The following SIRPG variants were observed in gnomAD, a reference collection of about 807,000 sequenced individuals.
SIRPG encodes signal-regulatory protein gamma.
In SIRPG, 38 loss-of-function variants were observed where a neutral mutation model predicts 35.7. The ratio of observed to expected loss-of-function variants is 1.06; its 90% confidence interval spans 0.82 to 1.40. SIRPG has a LOEUF of 1.40. SIRPG is among the 40% of genes most tolerant of loss of function. The probability of loss-of-function intolerance (pLI) is 0.00; values close to 1 mark genes in which losing one functional copy is unlikely to be tolerated. For missense variants in SIRPG, 519 were observed against 483.0 expected, an observed-to-expected ratio of 1.07 and a Z score of -0.70; for synonymous variants, 215 against 190.4, an observed-to-expected ratio of 1.13 and a Z score of -1.06.
chr20:1,670,949 C>T, the SIRPG span: 20 of 347,702 alleles, frequency 5.8e-5, no homozygotes, highest in East Asian at 1.9e-4. Flanking sequence ...TGGGCCACCT[C>T]GCAGATGACC....
At chr20:1,640,326 C>A (rs1438632692) in intron 2 of SIRPG, among the ~76,000 whole-genome samples, 1 of 152,084 alleles carries the variant, frequency 6.6e-6, no homozygotes, top group Non-Finnish European at 1.5e-5. Context: ...TCCTTCAAAT[C>A]CCTTGTAAGT....
At chr20:1,631,449 C>T (rs547425244) in intron 4 of SIRPG, among the ~76,000 whole-genome samples, 9 of 152,276 alleles carry the variant, frequency 5.9e-5, no homozygotes, top group Non-Finnish European at 7.4e-5. Flanking sequence ...TGGGATCCTC[C>T]GCAGGAGCAG....
intron 4 of SIRPG, among the ~76,000 whole-genome samples, chr20:1,634,355 C>T (rs895387122): frequency 1.5e-4 from 23 of 151,880 alleles, no homozygotes; most frequent in Non-Finnish European, 2.5e-4. Flanking sequence ...TACAGGCGCC[C>T]GCCACCACGC....
rs951073014 is a variant in SIRPG at position 1,636,207 on chromosome 20, G to T, written c.729C>A (p.Asn243Lys). ...LQGDPLRGTA[N>K]LSEAIRVPPT... ...CTCTACCTCGGATGGCCTCAGACAA[G>T]TTGGCAGTCCCACGAAGAGGGTCCC... The change falls in exon 3 of 6, where the codon AAC becomes AAA. Residue 243 changes from asparagine (N) to lysine (K), a missense_variant. Physicochemically the swap from Asn to Lys is moderately conservative, Grantham distance 94 (BLOSUM62 0). Transcript: ENST00000303415. 16 of 1,614,160 alleles carry T rather than the reference G, an allele frequency of 9.9e-6. No homozygotes were observed. Among genetic ancestry groups the T allele is most frequent in the African/African-American group, 1.3e-5 (1 of 75,050 alleles).
intron 1 of SIRPG, among the ~76,000 whole-genome samples, chr20:1,656,222 G>A (rs1360075393): frequency 6.6e-6 from 1 of 152,118 alleles, no homozygotes; most frequent in African/African-American, 2.4e-5. Context: ...GGTTAAAAGG[G>A]TGATAAACTC....
chr20:1,660,296 G>T (rs558315310), upstream of SIRPG, among the ~76,000 whole-genome samples: 22 of 152,166 alleles, frequency 1.4e-4, no homozygotes, highest in African/African-American at 5.1e-4. Context: ...AGTAAGCTGG[G>T]TGATTATGTA....
intron 2 of SIRPG, among the ~76,000 whole-genome samples, chr20:1,643,438 T>C (rs2091871627): frequency 6.6e-6 from 1 of 152,214 alleles, no homozygotes; most frequent in South Asian, 2.1e-4. Context: ...TATGTTCCTC[T>C]ATAAACTGGT....
chr20:1,643,445 T>A (rs1391942360), intron 2 of SIRPG, among the ~76,000 whole-genome samples: 1 of 152,174 alleles, frequency 6.6e-6, no homozygotes, highest in Non-Finnish European at 1.5e-5. Context: ...CTCTATAAAC[T>A]GGTTTTTCTG....
chr20:1,676,750 C>A, the SIRPG span: 1 of 204,094 alleles, frequency 4.9e-6, no homozygotes, highest in Non-Finnish European at 1.0e-5. Flanking sequence ...TAATTCGTGG[C>A]CTGGTCCAGC....
In SIRPG at chr20:1,636,513, A is replaced by C; in HGVS notation, c.431-8T>G. 1 of 1,613,870 alleles carries C rather than the reference A, an allele frequency of 6.2e-7. No individual in the cohort carries two copies. The highest frequency in any genetic ancestry group is 8.5e-7 in the Non-Finnish European group (1 of 1,179,744). ...CGGGGGCAGAGGGTTTGGCTACAAA[A>C]GGGGCATCGATAAACAGGAGACATG... On this transcript the variant is annotated splice_region_variant and splice_polypyrimidine_tract_variant and intron_variant, in intron 2 of 5. Transcript: ENST00000303415.
In SIRPG at chr20:1,635,743, C is replaced by T. The variant is rs112317062; in HGVS notation, c.749-144G>A. 10 of 867,268 alleles carry T rather than the reference C, an allele frequency of 1.2e-5. No homozygotes were observed. The African/African-American group carries it at 1.4e-4, about 12-fold the overall frequency. The allele number at this position is 867,268 out of a possible 1,614,324, so 53.7% of individuals were successfully genotyped here. A position where few individuals can be genotyped will look rare whatever the true frequency, so the allele number is the denominator to read the frequency against. ...AGCAGATGCTAAGACATTGAGGGCG[C>T]TCTTTGCATATGAATGAAATTACCA... On this transcript the variant is annotated intron_variant, in intron 3 of 5. Transcript: ENST00000303415.
At chr20:1,683,877 G>A in the SIRPG span, among the ~76,000 whole-genome samples, 4,060 of 152,114 alleles carry the variant, frequency 0.027, 73 homozygotes, top group Non-Finnish European at 0.04. Context: ...GCTGAAGCAG[G>A]AGAATCACTT....
At chr20:1,661,031 T>A (rs147365940), upstream of SIRPG, among the ~76,000 whole-genome samples, 2 of 152,320 alleles carry the variant, frequency 1.3e-5, no homozygotes, top group African/African-American at 4.8e-5. Flanking sequence ...AACTAATATA[T>A]GCAAATTACT....
Position 1,649,415 on chromosome 20 carries a change from A to G in SIRPG, c.74-7T>C. On this transcript the variant is annotated splice_region_variant and splice_polypyrimidine_tract_variant and intron_variant, in intron 1 of 5. Transcript: ENST00000303415. The stretch of plus-strand genomic sequence containing the variant: ...TCCTCCTCACCTGCCACTTCTGAAA[A>G]GGAGCACAAAGCAATCATTTTTTCA... 6.3e-7 allele frequency: 1 copy of G among 1,593,218 alleles called. No individual in the cohort carries two copies. Among genetic ancestry groups the G allele is most frequent in the Non-Finnish European group, 8.6e-7 (1 of 1,168,328 alleles).
the SIRPG span, among the ~76,000 whole-genome samples, chr20:1,683,100 C>CT: frequency 6.6e-6 from 1 of 152,162 alleles, no homozygotes; most frequent in East Asian, 1.9e-4. Context: ...CCTGAATAGA[C>CT]ATTTCTCAAA....
At chr20:1,641,789 G>T (rs1423274036) in intron 2 of SIRPG, among the ~76,000 whole-genome samples, 3 of 152,116 alleles carry the variant, frequency 2.0e-5, no homozygotes, top group Admixed American at 6.5e-5. Flanking sequence ...CTGGTATGTT[G>T]TCTCTTTGTT....
intron 2 of SIRPG, among the ~76,000 whole-genome samples, chr20:1,641,238 C>T (rs2091849727): frequency 6.6e-6 from 1 of 152,142 alleles, no homozygotes; most frequent in Non-Finnish European, 1.5e-5. Flanking sequence ...CCATCTGGTC[C>T]TGGGCTTTTT....
At position 1,636,391 on chromosome 20, in the gene SIRPG, C is replaced by G. The variant is rs2091802407; in HGVS notation, c.545G>C (p.Trp182Ser). 1 of 1,614,204 alleles carries G rather than the reference C, an allele frequency of 6.2e-7. No homozygotes were observed. ...GFSPRDITLKWFKNGNELSDF... is the reference protein window; with the variant it reads ...GFSPRDITLKSFKNGNELSDF... The stretch of plus-strand genomic sequence containing the variant: ...TGAGAGCTCATTCCCATTTTTGAAC[C>G]ATTTCAGGGTGATGTCTCTGGGAGA... The change falls in exon 3 of 6, where the codon TGG (tryptophan) becomes TCG (serine). Residue 182 changes from tryptophan (W) to serine (S), a missense_variant. Trp to Ser is a radical substitution (Grantham distance 177). Coordinates refer to ENST00000303415, the MANE Select transcript of SIRPG (RefSeq NM_018556.4).
the SIRPG span, among the ~76,000 whole-genome samples, chr20:1,663,037 G>A: frequency 2.8e-4 from 42 of 151,780 alleles, no homozygotes; most frequent in African/African-American, 9.0e-4. Flanking sequence ...ATCATGGCCC[G>A]GCGCGGTAGC....
Sources: allele counts gnomAD v4.1 joint callset (sites outside exome capture counted in the v4.1 genomes callset), GRCh38; gene constraint gnomAD v4.1.1; transcripts MANE v1.5; gene names NCBI Gene and HGNC (gene_info 2026-07-23, HGNC 2026-07-21).